Variants in CNOT6L observed in about 807,000 individuals in gnomAD.
CNOT6L encodes the protein CCR4-NOT transcription complex subunit 6 like.
In CNOT6L, 7 loss-of-function variants were observed where a neutral mutation model predicts 64.0. The ratio of observed to expected loss-of-function variants is 0.11; its 90% CI spans 0.06 to 0.21. CNOT6L has a LOEUF of 0.21. Among genes scored for constraint, CNOT6L ranks in the 10% least tolerant of loss-of-function variants. The pLI is 1.00. For synonymous variants in CNOT6L, 193 were observed against 243.4 expected (o/e 0.79, Z 1.93); for missense variants, 245 against 669.0 (o/e 0.37, Z 6.99).
rs1720769977 is a variant in CNOT6L, at chr4:77,716,582, T to G, written c.*3849A>C. 1 of 152,296 alleles carries G rather than the reference T, an allele frequency of 6.6e-6. No individual in the cohort carries two copies. Among genetic ancestry groups the G allele is most frequent in the Non-Finnish European group, 1.5e-5 (1 of 67,996 alleles). 9.4% of individuals were successfully genotyped at this position (152,296 alleles called of 1,614,324 possible). A position where few individuals can be genotyped will look rare whatever the true frequency, so the allele number is the denominator to read the frequency against. ...ACAATATAAACTTAGAATTTTAAAA[T>G]GGAACACTATATTTGCCCATGTTCC... is the stretch of plus-strand genomic sequence containing the variant. On this transcript the variant is annotated 3_prime_UTR_variant, in exon 12 of 12. Coordinates refer to ENST00000504123, the MANE Select transcript of CNOT6L (RefSeq NM_144571.3).
At chr4:77,727,524 T>C (rs548459697) in intron 10 of CNOT6L, among the ~76,000 whole-genome samples, 1 of 123,204 alleles carries the variant, frequency 8.1e-6, no homozygotes, top group Non-Finnish European at 1.6e-5. Context: ...ACTGCACCAC[T>C]GCACTCCAAC....
intron 4 of CNOT6L, among the ~76,000 whole-genome samples, chr4:77,759,418 A>G (rs1016430346): frequency 1.3e-5 from 2 of 152,098 alleles, no homozygotes; most frequent in Admixed American, 6.5e-5. Flanking sequence ...ACAAAAAATT[A>G]GCCAGGCGTG....
chr4:77,794,331 G>A (rs1397929291), intron 1 of CNOT6L, among the ~76,000 whole-genome samples: 2 of 151,854 alleles, frequency 1.3e-5, no homozygotes, highest in South Asian at 2.1e-4. Context: ...AAACAAGAGT[G>A]CAAGAAAACT....
At chr4:77,819,571 G>A (rs1284186692), upstream of CNOT6L, 8 of 302,370 alleles carry the variant, frequency 2.6e-5, no homozygotes, top group South Asian at 4.4e-5. Context: ...GTCTCGGGGG[G>A]CCCGCGCCCC....
At chr4:77,792,695 C>T (rs1193038033) in intron 1 of CNOT6L, among the ~76,000 whole-genome samples, 1 of 144,164 alleles carries the variant, frequency 6.9e-6, no homozygotes, top group African/African-American at 2.6e-5. Context: ...CATTGCACTC[C>T]AGCCTGGGTG....
At chr4:77,739,320 A>C (rs781007712) in intron 8 of CNOT6L, among the ~76,000 whole-genome samples, 30 of 152,240 alleles carry the variant, frequency 2.0e-4, no homozygotes, top group Non-Finnish European at 3.7e-4. Flanking sequence ...TACAGTGTTG[A>C]CTACTCTTCC....
intron 4 of CNOT6L, among the ~76,000 whole-genome samples, chr4:77,758,965 G>A (rs776357170): frequency 7.2e-5 from 11 of 151,916 alleles, no homozygotes; most frequent in Admixed American, 2.6e-4. Flanking sequence ...AGTCAACTCT[G>A]GCTCACTAAG....
intron 1 of CNOT6L, among the ~76,000 whole-genome samples, chr4:77,792,897 T>C (rs189464023): frequency 2.6e-5 from 4 of 151,306 alleles, no homozygotes; most frequent in African/African-American, 4.9e-5. Flanking sequence ...CAGGAGACAT[T>C]TGGCAATGTT....
rs541895719 is a variant in CNOT6L, at chr4:77,816,269, AATATAT to A, written c.5+3029_5+3034del. On this transcript the variant is annotated intron_variant, in intron 1 of 11. Coordinates refer to ENST00000504123, the MANE Select transcript of CNOT6L (RefSeq NM_144571.3). ...TCTTCCCAATTCTCCCAAATTAAAA[AATATAT>A]ATATAAAGTCTTTTAAAATAATTCA... Among the ~76,000 whole-genome samples the A allele has an allele frequency of 2.1e-3, 320 of 152,258 alleles. 3 individuals carry two copies. The highest frequency in any genetic ancestry group is 0.01 in the Middle Eastern group (3 of 294).
intron 1 of CNOT6L, among the ~76,000 whole-genome samples, chr4:77,784,892 C>A (rs1426258760): frequency 6.6e-6 from 1 of 152,078 alleles, no homozygotes; most frequent in Non-Finnish European, 1.5e-5. Context: ...TGGCTTAAGT[C>A]ATCTTTTACC....
intron 4 of CNOT6L, among the ~76,000 whole-genome samples, chr4:77,762,526 C>A (rs1170075288): frequency 1.3e-5 from 2 of 152,092 alleles, no homozygotes; most frequent in Admixed American, 1.3e-4. Context: ...AAATAATAAA[C>A]CTTGTGCCGT....
intron 5 of CNOT6L, among the ~76,000 whole-genome samples, chr4:77,755,238 T>G (rs977864524): frequency 1.1e-4 from 14 of 126,056 alleles, no homozygotes; most frequent in South Asian, 2.9e-4. Context: ...TTTTTTTTTT[T>G]TTTTTTTTTT....
chr4:77,819,023 T>C (rs1440644065), intron 1 of CNOT6L: 2 of 638,240 alleles, frequency 3.1e-6, no homozygotes, highest in Non-Finnish European at 5.6e-6. Flanking sequence ...CACGCCACTC[T>C]GGGGTCCCGG....
intron 1 of CNOT6L, among the ~76,000 whole-genome samples, chr4:77,784,248 T>C (rs546925001): frequency 1.5e-3 from 229 of 152,260 alleles, no homozygotes; most frequent in African/African-American, 5.3e-3. Context: ...AGCAACAACA[T>C]GAAACATACA....
At chr4:77,768,695 C>T (rs370217593) in intron 4 of CNOT6L, among the ~76,000 whole-genome samples, 177 of 151,680 alleles carry the variant, frequency 1.2e-3, no homozygotes, top group African/African-American at 4.2e-3. Flanking sequence ...CCAACAGACA[C>T]ATGAAAAGAT....
intron 4 of CNOT6L, among the ~76,000 whole-genome samples, chr4:77,765,187 T>C (rs1334196196): frequency 2.6e-5 from 4 of 152,154 alleles, no homozygotes; most frequent in Admixed American, 1.3e-4. Flanking sequence ...ACAAAGGCCA[T>C]GGCAATGTCA....
At chr4:77,811,466 G>C (rs1409551319) in intron 1 of CNOT6L, among the ~76,000 whole-genome samples, 1 of 152,122 alleles carries the variant, frequency 6.6e-6, no homozygotes. Flanking sequence ...AGAATCACTT[G>C]AACCTGGGAG....
chr4:77,807,256 G>A (rs979077322), intron 1 of CNOT6L, among the ~76,000 whole-genome samples: 7 of 120,484 alleles, frequency 5.8e-5, no homozygotes, highest in African/African-American at 1.5e-4. Context: ...CCAGCATGGC[G>A]ACAGAGTGAG....
chr4:77,754,122 C>T (rs1320012678), intron 5 of CNOT6L, among the ~76,000 whole-genome samples: 1 of 152,082 alleles, frequency 6.6e-6, no homozygotes, highest in African/African-American at 2.4e-5. Flanking sequence ...ATACAACTCT[C>T]ATTACTTGCA....
Sources: gnomAD v4.1 joint callset for allele counts (sites outside exome capture counted in the v4.1 genomes callset) on GRCh38, gnomAD v4.1.1 for gene constraint, MANE v1.5 for transcripts, NCBI Gene and HGNC (gene_info 2026-07-23, HGNC 2026-07-21) for gene names.